The following MS4A3 variants were observed in gnomAD, a reference collection of about 807,000 sequenced individuals.
MS4A3 encodes membrane-spanning 4-domains subfamily A member 3.
A neutral mutation model predicts 24.7 loss-of-function variants in MS4A3; 18 were observed. That is an observed-to-expected ratio of 0.73 (90% CI 0.50 to 1.08). MS4A3 has a LOEUF of 1.08. MS4A3 is among the 50% of genes least tolerant of loss of function. The pLI, the probability that MS4A3 is intolerant of heterozygous loss-of-function variation, is 0.00. For missense variants in MS4A3, 282 were observed against 251.7 expected (o/e 1.12, Z -0.82); for synonymous variants, 84 against 95.3 (o/e 0.88, Z 0.69).
In MS4A3 at chr11:60,070,427, G is replaced by T. The variant is rs1312386832; in HGVS notation, c.*194G>T. 1 of 526,942 alleles carries T rather than the reference G, an allele frequency of 1.9e-6. No individual in the cohort carries two copies. The highest frequency in any genetic ancestry group is 2.0e-5 in the African/African-American group (1 of 50,376). 32.6% of individuals were successfully genotyped at this position (526,942 alleles called of 1,614,324 possible). On this transcript the variant is annotated 3_prime_UTR_variant, in exon 7 of 7. Coordinates refer to ENST00000278865, the MANE Select transcript of MS4A3 (RefSeq NM_006138.5). ...TCTCTCCTAACTATAAATCCTATTTGTGTGTCGTGGGTATGGAAGGACAGA... is the reference window on the plus strand; with the variant it reads ...TCTCTCCTAACTATAAATCCTATTTTTGTGTCGTGGGTATGGAAGGACAGA...
intron 5 of MS4A3, among the ~76,000 whole-genome samples, chr11:60,067,606 A>C (rs1331073612): frequency 6.6e-6 from 1 of 152,216 alleles, no homozygotes; most frequent in Non-Finnish European, 1.5e-5. Context: ...TGAAATGAGG[A>C]TAACAATAGT....
At chr11:60,066,630 T>A (rs1855365152) in intron 4 of MS4A3, among the ~76,000 whole-genome samples, 1 of 152,184 alleles carries the variant, frequency 6.6e-6, no homozygotes, top group Non-Finnish European at 1.5e-5. Flanking sequence ...CTATTTAATA[T>A]CATGAACCCC....
At chr11:60,061,367 C>A in intron 2 of MS4A3, 51 bp downstream of exon 2, 1 of 1,553,402 alleles carries the variant, frequency 6.4e-7, no homozygotes, top group Non-Finnish European at 8.7e-7. Context: ...AAAATAAATA[C>A]AGTTGACCTG....
chr11:60,062,438 G>A lies in MS4A3; in HGVS notation c.157-30G>A, dbSNP rs368740845. ...TCAGTGTCCACTTTAGTATATGACTGTTACGCCTTTTTCCCCTTTCTTCTT... is the reference window on the plus strand; with the variant it reads ...TCAGTGTCCACTTTAGTATATGACTATTACGCCTTTTTCCCCTTTCTTCTT... On this transcript the variant is annotated intron_variant, in intron 2 of 6. Transcript: ENST00000278865. 5.6e-6 allele frequency: 9 copies of A among 1,613,608 alleles called. No individual in the cohort carries two copies. In the African/African-American group the frequency reaches 6.7e-5, roughly 12 times the overall value.
At chr11:60,059,538 C>T (rs1855238976) in intron 1 of MS4A3, among the ~76,000 whole-genome samples, 1 of 152,100 alleles carries the variant, frequency 6.6e-6, no homozygotes, top group Admixed American at 6.6e-5. Context: ...GATCTCCTCC[C>T]TCCTCTCTCT....
intron 5 of MS4A3, among the ~76,000 whole-genome samples, 170 bp downstream of exon 5, chr11:60,067,282 G>A (rs562141142): frequency 9.7e-5 from 14 of 144,720 alleles, no homozygotes; most frequent in African/African-American, 3.3e-4. Context: ...GAGTGATCTC[G>A]GCTCACTGCA....
At position 60,069,657 on chromosome 11, in the gene MS4A3, C is replaced by T; in HGVS notation, c.597C>T (p.Asn199=). 6.2e-7 allele frequency: 1 copy of T among 1,612,170 alleles called. No homozygotes were observed. Among genetic ancestry groups the T allele is most frequent in the Middle Eastern group, 1.7e-4 (1 of 6,054 alleles). Residue 199 remains asparagine, a synonymous_variant, in exon 6 of 7, where the codon AAC becomes AAT. Coordinates refer to ENST00000278865, the MANE Select transcript of MS4A3 (RefSeq NM_006138.5). ...ISTIAMWCNA[N]CCNSREEISS... is the part of the protein sequence containing the mutation. ...CCATAGCCATGTGGTGCAATGCAAA[C>T]TGCTGTAATTCAAGAGAGGTGAGAT...
At chr11:60,067,636 T>TGA (rs1264673274) in intron 5 of MS4A3, among the ~76,000 whole-genome samples, 1 of 152,254 alleles carries the variant, frequency 6.6e-6, no homozygotes, top group Non-Finnish European at 1.5e-5. Context: ...ATAGGATTTA[T>TGA]GTGAGTATTT....
At chr11:60,056,999 C>T (rs1855179849) in intron 1 of MS4A3, among the ~76,000 whole-genome samples, 1 of 152,122 alleles carries the variant, frequency 6.6e-6, no homozygotes, top group Non-Finnish European at 1.5e-5. Context: ...ACACGCACCT[C>T]TTAGGTACAT....
intron 5 of MS4A3, among the ~76,000 whole-genome samples, chr11:60,069,279 A>G (rs1430287141): frequency 6.6e-6 from 1 of 152,174 alleles, no homozygotes; most frequent in Non-Finnish European, 1.5e-5. Flanking sequence ...TCAGATTGGA[A>G]GATGTTAGTG....
chr11:60,058,680 G>C (rs759210142), intron 1 of MS4A3, among the ~76,000 whole-genome samples: 2 of 151,996 alleles, frequency 1.3e-5, no homozygotes, highest in African/African-American at 4.8e-5. Context: ...AGAAAATAAG[G>C]CTGGATGGAG....
chr11:60,065,007 T>C (rs1332053868), intron 4 of MS4A3, among the ~76,000 whole-genome samples: 2 of 152,172 alleles, frequency 1.3e-5, no homozygotes, highest in Non-Finnish European at 2.9e-5. Flanking sequence ...ATTCTTTTTT[T>C]CCCCACACAA....
chr11:60,059,147 A>T (rs1478985567), intron 1 of MS4A3, among the ~76,000 whole-genome samples: 1 of 152,190 alleles, frequency 6.6e-6, no homozygotes, highest in Non-Finnish European at 1.5e-5. Context: ...AGAGAATTTT[A>T]TGAATTTTTA....
intron 2 of MS4A3, chr11:60,061,691 C>A: frequency 4.3e-6 from 1 of 230,782 alleles, no homozygotes; most frequent in Non-Finnish European, 8.7e-6. Flanking sequence ...CAACAGTAGG[C>A]TATTAGTAGT....
At chr11:60,058,839 T>C (rs995042348) in intron 1 of MS4A3, among the ~76,000 whole-genome samples, 3 of 152,200 alleles carry the variant, frequency 2.0e-5, no homozygotes, top group African/African-American at 7.2e-5. Context: ...GTGGATAAAT[T>C]TGAAGTCTTG....
intron 3 of MS4A3, among the ~76,000 whole-genome samples, 195 bp from the exon 4 acceptor site, chr11:60,064,067 C>CTAAA (rs58312985): frequency 0.67 from 99,016 of 147,330 alleles, 33,845 homozygotes; most frequent in East Asian, 0.83. Flanking sequence ...CATGGAAAGA[C>CTAAA]TAAATAAATA....
chr11:60,063,714 T>C (rs1565063186), intron 3 of MS4A3, among the ~76,000 whole-genome samples: 1 of 152,248 alleles, frequency 6.6e-6, no homozygotes, highest in Non-Finnish European at 1.5e-5. Context: ...TTTTGGCTTC[T>C]TCGTCATTAA....
chr11:60,063,067 G>A (rs1855303667), intron 3 of MS4A3, among the ~76,000 whole-genome samples: 1 of 152,126 alleles, frequency 6.6e-6, no homozygotes, highest in East Asian at 1.9e-4. Flanking sequence ...CAAAATGCTG[G>A]AATTGCCAGG....
chr11:60,064,360 A>AAT, intron 4 of MS4A3, 42 bp downstream of exon 4: 6 of 1,449,304 alleles, frequency 4.1e-6, no homozygotes, highest in Non-Finnish European at 5.8e-6. Flanking sequence ...GAGGAGTAGA[A>AAT]ATATATTATT....
Sources: gnomAD v4.1 joint callset for allele counts (sites outside exome capture counted in the v4.1 genomes callset) on GRCh38, gnomAD v4.1.1 for gene constraint, MANE v1.5 for transcripts, NCBI Gene and HGNC (gene_info 2026-07-23, HGNC 2026-07-21) for gene names.